The following SHLD1 variants were observed in gnomAD, a reference collection of about 807,000 sequenced individuals.
The protein encoded by SHLD1 is RINN1-REV7-interacting novel NHEJ regulator 3.
A neutral mutation model predicts 5.5 loss-of-function variants in SHLD1; 3 were observed. The ratio of observed to expected loss-of-function variants is 0.54; its 90% CI spans 0.25 to 1.40. SHLD1 has a LOEUF of 1.40. Ranked by LOEUF, SHLD1 falls within the 40% of genes most tolerant of loss-of-function variation. SHLD1 has a pLI of 0.15. For missense variants in SHLD1, 210 were observed against 244.4 expected, an observed-to-expected ratio of 0.86 and a Z score of 0.94; for synonymous variants, 92 against 94.3, an observed-to-expected ratio of 0.98 and a Z score of 0.14.
chr20:5,794,892 T>C (rs948486151), intron 2 of SHLD1, among the ~76,000 whole-genome samples: 1 of 151,726 alleles, frequency 6.6e-6, no homozygotes, highest in Non-Finnish European at 1.5e-5. Flanking sequence ...GCTCATGGAG[T>C]TGATCGTCTA....
intron 2 of SHLD1, among the ~76,000 whole-genome samples, chr20:5,823,621 T>C (rs2087633445): frequency 6.6e-6 from 1 of 151,940 alleles, no homozygotes; most frequent in South Asian, 2.1e-4. Context: ...TTAATTTTTG[T>C]ATTTTTAGTA....
At chr20:5,808,003 C>T (rs566202939) in intron 2 of SHLD1, among the ~76,000 whole-genome samples, 9 of 152,204 alleles carry the variant, frequency 5.9e-5, no homozygotes, top group Admixed American at 2.6e-4. Flanking sequence ...AATGTAAGGG[C>T]GGGCGCGGTG....
At position 5,808,613 on chromosome 20, in the gene SHLD1, C is replaced by T. The variant is rs958350217; in HGVS notation, c.178+35570C>T. ...TATGATTGGATCATAGTTTATTTAA[C>T]GAGATGTCTATTGATGGATGTTTAG... On this transcript the variant is annotated intron_variant, in intron 2 of 2. Transcript: ENST00000303142. Among the ~76,000 whole-genome samples, 13 of 152,228 alleles carry T rather than the reference C, an allele frequency of 8.5e-5. No individual in the cohort carries two copies. In the East Asian group the frequency reaches 1.2e-3, roughly 14 times the overall value.
chr20:5,751,942 T>G (rs1983772799), intron 1 of SHLD1, among the ~76,000 whole-genome samples: 1 of 152,218 alleles, frequency 6.6e-6, no homozygotes, highest in African/African-American at 2.4e-5. Flanking sequence ...TAGGGATTCT[T>G]TAGCTGACAG....
intron 2 of SHLD1, among the ~76,000 whole-genome samples, chr20:5,784,150 A>T (rs1431722806): frequency 3.1e-5 from 1 of 32,612 alleles, no homozygotes; most frequent in Non-Finnish European, 6.7e-5. Flanking sequence ...AGACTGTCTT[A>T]AAAAAAAAAA....
At chr20:5,827,123 C>T (rs920499555) in intron 2 of SHLD1, among the ~76,000 whole-genome samples, 4 of 36,106 alleles carry the variant, frequency 1.1e-4, no homozygotes, top group Middle Eastern at 0.01. Context: ...TGTACAAAGG[C>T]ATGAGTGGGC....
intron 1 of SHLD1, among the ~76,000 whole-genome samples, chr20:5,763,946 T>TAAAAA (rs1233102331): frequency 2.8e-5 from 2 of 70,200 alleles, no homozygotes; most frequent in African/African-American, 5.8e-5. Context: ...CCGTCTTTAC[T>TAAAAA]AAAAAAAAAA....
At chr20:5,850,800 G>T (rs968707309) in intron 2 of SHLD1, among the ~76,000 whole-genome samples, 6 of 152,262 alleles carry the variant, frequency 3.9e-5, no homozygotes, top group Admixed American at 3.9e-4. Flanking sequence ...ATGAGCCAAC[G>T]CACCTGGCGC....
chr20:5,859,332 T>C (rs2088130621), intron 2 of SHLD1, among the ~76,000 whole-genome samples: 1 of 152,160 alleles, frequency 6.6e-6, no homozygotes, highest in Non-Finnish European at 1.5e-5. Context: ...CCATTCTTTG[T>C]TTGTCCTGTG....
chr20:5,762,936 G>A (rs1396257654), intron 1 of SHLD1, among the ~76,000 whole-genome samples: 5 of 135,688 alleles, frequency 3.7e-5, no homozygotes, highest in African/African-American at 1.4e-4. Context: ...TCGCGCCGTT[G>A]CACTCTAACC....
chr20:5,789,566 A>G (rs1568503426), intron 2 of SHLD1, among the ~76,000 whole-genome samples: 1 of 142,812 alleles, frequency 7.0e-6, no homozygotes, highest in Non-Finnish European at 1.5e-5. Context: ...GACAAGAGCA[A>G]AACTTGATCT....
At chr20:5,825,111 G>T (rs1416017491) in intron 2 of SHLD1, among the ~76,000 whole-genome samples, 1 of 152,238 alleles carries the variant, frequency 6.6e-6, no homozygotes, top group African/African-American at 2.4e-5. Flanking sequence ...TCATTAACAA[G>T]TGTCGTCGGC....
intron 2 of SHLD1, among the ~76,000 whole-genome samples, chr20:5,822,977 A>G (rs560408906): frequency 2.0e-4 from 30 of 151,596 alleles, no homozygotes; most frequent in African/African-American, 6.3e-4. Flanking sequence ...CTCCAGTCAC[A>G]CTTTTGCCTT....
chr20:5,756,024 T>C (rs1176555773), intron 1 of SHLD1, among the ~76,000 whole-genome samples: 1 of 152,192 alleles, frequency 6.6e-6, no homozygotes, highest in African/African-American at 2.4e-5. Flanking sequence ...TTGCGTATCT[T>C]ATTGCTATGA....
intron 2 of SHLD1, among the ~76,000 whole-genome samples, chr20:5,801,874 G>A (rs1413392015): frequency 1.3e-5 from 2 of 152,066 alleles, no homozygotes; most frequent in African/African-American, 2.4e-5. Flanking sequence ...GATCTTTAAT[G>A]TGCTATGGAA....
intron 2 of SHLD1, among the ~76,000 whole-genome samples, chr20:5,784,651 C>T (rs368015376): frequency 5.7e-4 from 87 of 152,136 alleles, no homozygotes; most frequent in Non-Finnish European, 1.0e-3. Context: ...GGGGTTTCAC[C>T]GTGTTAGCCA....
chr20:5,767,122 A>C (rs950920252), intron 1 of SHLD1, among the ~76,000 whole-genome samples: 4 of 149,214 alleles, frequency 2.7e-5, no homozygotes, highest in Non-Finnish European at 5.9e-5. Context: ...CTCCATTCAC[A>C]TTTTCTTTTC....
intron 2 of SHLD1, among the ~76,000 whole-genome samples, chr20:5,857,625 G>T (rs117207553): frequency 6.6e-6 from 1 of 151,998 alleles, no homozygotes; most frequent in East Asian, 2.0e-4. Context: ...CCTGGGCAAC[G>T]TGGTGAAACC....
In SHLD1 at chr20:5,864,147, C is replaced by G. The variant is rs1341549056; in HGVS notation, c.*684C>G. Among the ~76,000 whole-genome samples the G allele has an allele frequency of 6.6e-6, 1 of 152,188 alleles. No homozygotes were observed. The highest frequency in any genetic ancestry group is 1.5e-5 in the Non-Finnish European group (1 of 68,020). On this transcript the variant is annotated 3_prime_UTR_variant, in exon 3 of 3. Coordinates refer to ENST00000303142, the MANE Select transcript of SHLD1 (RefSeq NM_152504.4). ...TCACACCCTTGCCTCCTCTCCAAAGCTAGAAATCCATGTTTTATCATACTA... is the reference window on the plus strand; with the variant it reads ...TCACACCCTTGCCTCCTCTCCAAAGGTAGAAATCCATGTTTTATCATACTA...
Sources: allele counts gnomAD v4.1 joint callset (sites outside exome capture counted in the v4.1 genomes callset), GRCh38; gene constraint gnomAD v4.1.1; transcripts MANE v1.5; gene names NCBI Gene and HGNC (gene_info 2026-07-23, HGNC 2026-07-21).